The following CDH13 variants were observed in gnomAD, a reference collection of about 807,000 sequenced individuals.
The protein encoded by CDH13 is cadherin 13.
In CDH13, 24 loss-of-function variants were observed where a neutral mutation model predicts 63.8. The observed-to-expected ratio is 0.38, with a 90% CI of 0.27 to 0.53. The LOEUF is 0.53. CDH13 is among the 20% of genes least tolerant of loss of function. The probability of loss-of-function intolerance (pLI) is 0.85; values close to 1 mark genes in which losing one functional copy is unlikely to be tolerated. For missense variants in CDH13, 1,049 were observed against 903.1 expected, an observed-to-expected ratio of 1.16 and a Z score of -2.07; for synonymous variants, 503 against 355.3, an observed-to-expected ratio of 1.42 and a Z score of -4.67.
chr16:82,953,783 G>T (rs1188859517), intron 2 of CDH13: 5 of 152,252 alleles, frequency 3.3e-5, no homozygotes, highest in African/African-American at 1.2e-4. Flanking sequence ...GCCAAGACAG[G>T]CTTCCAGATG....
intron 7 of CDH13, among the ~76,000 whole-genome samples, chr16:83,491,352 C>G (rs186562989): frequency 1.8e-3 from 275 of 152,236 alleles, no homozygotes; most frequent in African/African-American, 6.5e-3. Flanking sequence ...TTTTCTATAG[C>G]CATACTTAGC....
chr16:83,370,334 G>T (rs906462707), intron 6 of CDH13, among the ~76,000 whole-genome samples: 1 of 149,280 alleles, frequency 6.7e-6, no homozygotes, highest in Non-Finnish European at 1.5e-5. Context: ...CTTGCAGTGA[G>T]CCAAGGCTGC....
At chr16:83,485,172 C>T (rs778520714) in intron 6 of CDH13, among the ~76,000 whole-genome samples, 2 of 152,200 alleles carry the variant, frequency 1.3e-5, no homozygotes, top group South Asian at 2.1e-4. Flanking sequence ...AACAGCTAGG[C>T]TGTTTCCAAA....
intron 6 of CDH13, among the ~76,000 whole-genome samples, chr16:83,419,200 C>G (rs1248016734): frequency 1.3e-5 from 2 of 152,132 alleles, no homozygotes; most frequent in Non-Finnish European, 2.9e-5. Flanking sequence ...TGCCCCCTGC[C>G]TCTGTAACCA....
intron 3 of CDH13, among the ~76,000 whole-genome samples, chr16:83,117,433 C>T (rs931793450): frequency 1.3e-5 from 2 of 152,060 alleles, no homozygotes; most frequent in Admixed American, 6.6e-5. Flanking sequence ...TTCTTGCCTC[C>T]CTGTCTAAAA....
intron 5 of CDH13, among the ~76,000 whole-genome samples, chr16:83,303,962 A>T (rs2089812905): frequency 6.6e-6 from 1 of 152,172 alleles, no homozygotes; most frequent in South Asian, 2.1e-4. Context: ...GACTTTGCCT[A>T]TCTGATAGGA....
intron 1 of CDH13, among the ~76,000 whole-genome samples, chr16:82,783,901 C>T (rs79963296): frequency 1.5e-4 from 23 of 151,888 alleles, no homozygotes; most frequent in Admixed American, 7.9e-4. Context: ...AAGAAAGAAA[C>T]GGATATAATT....
intron 3 of CDH13, among the ~76,000 whole-genome samples, chr16:83,113,645 A>G (rs2035167259): frequency 1.3e-5 from 2 of 152,214 alleles, no homozygotes; most frequent in South Asian, 4.1e-4. Context: ...GGCAAAGTGC[A>G]GCCAATCCTC....
intron 1 of CDH13, among the ~76,000 whole-genome samples, chr16:82,666,065 C>A (rs912912532): frequency 6.6e-6 from 1 of 152,116 alleles, no homozygotes; most frequent in Non-Finnish European, 1.5e-5. Context: ...CTCCCAGAAC[C>A]TTTATGAGAG....
rs1318812782 is a variant in CDH13, at chr16:83,441,998, G to C, written c.782-44479G>C. Among the ~76,000 whole-genome samples, 3 of 152,138 alleles carry C rather than the reference G, an allele frequency of 2.0e-5. No individual in the cohort carries two copies. The South Asian group carries it at 6.2e-4, about 32-fold the overall frequency. On this transcript the variant is annotated intron_variant, in intron 6 of 13. Coordinates refer to ENST00000567109, the MANE Select transcript of CDH13 (RefSeq NM_001257.5). ...GAGAGGGTTTGAATGATTTGGCCCA[G>C]GTCACACCATAAGAGCTGGGAGCGA...
intron 2 of CDH13, among the ~76,000 whole-genome samples, chr16:82,930,015 C>T (rs1050968037): frequency 1.4e-5 from 2 of 139,040 alleles, no homozygotes; most frequent in East Asian, 2.1e-4. Flanking sequence ...ATCATGACTT[C>T]TAATAAAATG....
chr16:82,762,939 A>T (rs369124948), intron 1 of CDH13, among the ~76,000 whole-genome samples: 14 of 152,338 alleles, frequency 9.2e-5, no homozygotes, highest in African/African-American at 3.4e-4. Flanking sequence ...ATTATCTCCT[A>T]TGCTTTCCGG....
intron 1 of CDH13, among the ~76,000 whole-genome samples, chr16:82,785,772 A>T (rs531290209): frequency 6.5e-4 from 99 of 152,348 alleles, no homozygotes; most frequent in African/African-American, 2.1e-3. Flanking sequence ...ATTGTTATAT[A>T]TAAAGTCGCG....
intron 1 of CDH13, among the ~76,000 whole-genome samples, chr16:82,734,572 T>C (rs1175710400): frequency 6.6e-6 from 1 of 152,202 alleles, no homozygotes. Flanking sequence ...ATACATCCAC[T>C]GTCTTAGGTT....
At chr16:83,179,547 G>T (rs1156375707) in intron 4 of CDH13, among the ~76,000 whole-genome samples, 1 of 150,908 alleles carries the variant, frequency 6.6e-6, no homozygotes, top group South Asian at 2.1e-4. Flanking sequence ...AGCTACTCGG[G>T]AGGCTGAGGC....
chr16:82,869,294 A>G (rs999051816), intron 2 of CDH13, among the ~76,000 whole-genome samples: 4 of 151,548 alleles, frequency 2.6e-5, no homozygotes, highest in African/African-American at 9.7e-5. Context: ...GATCGTCCTG[A>G]TTCGACCTCC....
intron 6 of CDH13, among the ~76,000 whole-genome samples, chr16:83,352,232 C>T (rs973326249): frequency 6.6e-6 from 1 of 152,132 alleles, no homozygotes; most frequent in African/African-American, 2.4e-5. Flanking sequence ...GAAAGAGTTG[C>T]ATAATCCAAT....
intron 3 of CDH13, among the ~76,000 whole-genome samples, chr16:83,103,243 CTT>C (rs35812420): frequency 0.022 from 2,015 of 91,130 alleles, 44 homozygotes; most frequent in African/African-American, 0.079. Flanking sequence ...GTTAACTGAA[CTT>C]TTTTTTTTTT....
chr16:82,961,957 G>C (rs1309512234), intron 2 of CDH13, among the ~76,000 whole-genome samples: 1 of 152,280 alleles, frequency 6.6e-6, no homozygotes, highest in East Asian at 1.9e-4. Flanking sequence ...CCAAGGTGGA[G>C]AAACCCTAGG....
Sources: allele counts gnomAD v4.1 joint callset (sites outside exome capture counted in the v4.1 genomes callset), GRCh38; gene constraint gnomAD v4.1.1; transcripts MANE v1.5; gene names NCBI Gene and HGNC (gene_info 2026-07-23, HGNC 2026-07-21).